F8: variants seen among roughly 807,000 people sequenced by gnomAD.
F8 encodes the protein antihemophilic factor.
A neutral mutation model predicts 140.6 loss-of-function variants in F8; 12 were observed. The observed-to-expected ratio is 0.09, with a 90% CI of 0.05 to 0.14. F8 has a LOEUF of 0.14. Among genes scored for constraint, F8 ranks in the 10% least tolerant of loss-of-function variants. The pLI, the probability that F8 is intolerant of heterozygous loss-of-function variation, is 1.00. For missense variants in F8, 1,354 were observed against 1,720.7 expected, an observed-to-expected ratio of 0.79 and a Z score of 3.77; for synonymous variants, 585 against 614.6, an observed-to-expected ratio of 0.95 and a Z score of 0.71.
At chrX:154,845,557 T>C (rs2072559187) in intron 25 of F8, among the ~76,000 whole-genome samples, 1 of 112,483 alleles carries the variant, frequency 8.9e-6, no homozygotes, top group South Asian at 3.6e-4. Context: ...CCATTTCTTC[T>C]AGATTTTCTA....
chrX:154,903,485 T>C (rs1159475984), intron 18 of F8, among the ~76,000 whole-genome samples: 2 of 112,094 alleles, frequency 1.8e-5, no homozygotes, highest in African/African-American at 6.5e-5. Flanking sequence ...TGGCCAAATC[T>C]ATTTTAAAGG....
intron 25 of F8, among the ~76,000 whole-genome samples, chrX:154,855,308 G>C (rs138522502): frequency 9.0e-6 from 1 of 111,646 alleles, no homozygotes; most frequent in African/African-American, 3.3e-5. Context: ...AGGAGCTCAG[G>C]AATTTGAATT....
intron 1 of F8, among the ~76,000 whole-genome samples, chrX:155,017,051 T>A (rs1557287079): frequency 8.9e-6 from 1 of 112,265 alleles, no homozygotes; most frequent in African/African-American, 3.2e-5. Flanking sequence ...CGGCCCAATG[T>A]AATCACATGA....
chrX:154,933,311 C>G (rs782397757), intron 13 of F8, among the ~76,000 whole-genome samples: 1 of 111,589 alleles, frequency 9.0e-6, no homozygotes. Context: ...TTGTAATTCC[C>G]TTGGAGACAC....
At chrX:154,888,380 ATT>A (rs782710109) in intron 22 of F8, among the ~76,000 whole-genome samples, 1,987 of 20,764 alleles carry the variant, frequency 0.096, 49 homozygotes, top group Middle Eastern at 0.23. Context: ...TGTAATAGGG[ATT>A]TTTTTTTTTT....
intron 25 of F8, among the ~76,000 whole-genome samples, chrX:154,843,374 T>A (rs1285040272): frequency 5.3e-5 from 6 of 112,218 alleles, no homozygotes; most frequent in African/African-American, 1.9e-4. Context: ...CGCCACACTG[T>A]CTTCCACAAT....
intron 1 of F8, among the ~76,000 whole-genome samples, chrX:155,020,831 G>C (rs2124172867): frequency 8.9e-6 from 1 of 112,063 alleles, no homozygotes; most frequent in East Asian, 2.8e-4. Context: ...TTTAAAAACA[G>C]GATAAAACTT....
intron 13 of F8, among the ~76,000 whole-genome samples, chrX:154,932,271 G>A (rs782720467): frequency 8.0e-4 from 90 of 112,282 alleles, no homozygotes; most frequent in Non-Finnish European, 1.4e-3. Flanking sequence ...GAATATGTAA[G>A]CACAAGGAAG....
At chrX:154,935,981 A>AACAC (rs782071576) in intron 13 of F8, among the ~76,000 whole-genome samples, 8,215 of 88,169 alleles carry the variant, frequency 0.093, 359 homozygotes, top group African/African-American at 0.1. Context: ...ATGCCAAAGT[A>AACAC]ACACACACAC....
At chrX:154,896,868 T>C (rs1214617506) in intron 21 of F8, among the ~76,000 whole-genome samples, 2 of 112,460 alleles carry the variant, frequency 1.8e-5, no homozygotes, top group Non-Finnish European at 3.8e-5. Flanking sequence ...CTGCTTTCCT[T>C]ATTAGACTGA....
chrX:154,976,053 G>C (rs1275971120), intron 6 of F8, among the ~76,000 whole-genome samples: 1 of 110,830 alleles, frequency 9.0e-6, no homozygotes, highest in Admixed American at 9.6e-5. Context: ...CTGCCACCAT[G>C]CTTGGTTAAT....
chrX:154,856,693 T>G (rs1408928733), intron 25 of F8, among the ~76,000 whole-genome samples: 3 of 111,953 alleles, frequency 2.7e-5, no homozygotes, highest in African/African-American at 9.8e-5. Flanking sequence ...GGAGGCTCAG[T>G]CTCCTTGAGG....
At chrX:154,987,593 C>T (rs1488793095) in intron 4 of F8, among the ~76,000 whole-genome samples, 2 of 112,662 alleles carry the variant, frequency 1.8e-5, no homozygotes, top group Non-Finnish European at 3.8e-5. Context: ...AAAATACAAG[C>T]CCTCACACAC....
chrX:154,860,726 G>C, intron 24 of F8, 118 bp from the exon 25 acceptor site: 4 of 675,915 alleles, frequency 5.9e-6, no homozygotes, highest in Non-Finnish European at 9.4e-6. Flanking sequence ...TTGAGACGGA[G>C]TCTTGCTCTG....
At chrX:155,000,101 T>A (rs1233746437) in intron 1 of F8, among the ~76,000 whole-genome samples, 1 of 112,391 alleles carries the variant, frequency 8.9e-6, no homozygotes, top group East Asian at 2.8e-4. Context: ...CAATTACTCA[T>A]TTATTCATGA....
At chrX:154,857,295 T>A (rs1285390671) in intron 25 of F8, among the ~76,000 whole-genome samples, 1 of 111,753 alleles carries the variant, frequency 8.9e-6, no homozygotes, top group Non-Finnish European at 1.9e-5. Context: ...TGGCACTCCA[T>A]CATCAAATGG....
chrX:154,968,255 T>C (rs1557282214), intron 7 of F8, among the ~76,000 whole-genome samples: 1 of 111,568 alleles, frequency 9.0e-6, no homozygotes, highest in African/African-American at 3.3e-5. Context: ...GGATTTGTTA[T>C]CACAGGAGTG....
chrX:154,852,429 C>G (rs1009251751), intron 25 of F8, among the ~76,000 whole-genome samples: 25 of 111,677 alleles, frequency 2.2e-4, no homozygotes, highest in African/African-American at 8.1e-4. Flanking sequence ...ATGTGGATAT[C>G]CAATTGTCCC....
chrX:154,936,540 A>G (rs1449210286), intron 13 of F8, among the ~76,000 whole-genome samples: 1 of 112,143 alleles, frequency 8.9e-6, no homozygotes, highest in Non-Finnish European at 1.9e-5. Context: ...TAAGAATACA[A>G]CCTTAAAGTT....
Sources: gnomAD v4.1 joint callset for allele counts (sites outside exome capture counted in the v4.1 genomes callset) on GRCh38, gnomAD v4.1.1 for gene constraint, MANE v1.5 for transcripts, NCBI Gene and HGNC (gene_info 2026-07-23, HGNC 2026-07-21) for gene names.